The following SV2C variants were observed in gnomAD, a reference collection of about 807,000 sequenced individuals.
The protein encoded by SV2C is solute carrier family 22 member B3.
In SV2C, 49 loss-of-function variants were observed where a neutral mutation model predicts 79.7. That is an observed-to-expected ratio of 0.61 (90% CI 0.49 to 0.78). The LOEUF (loss-of-function observed/expected upper bound fraction) is 0.78. Among genes scored for constraint, SV2C ranks in the 30% least tolerant of loss-of-function variants. The pLI is 0.00. For missense variants in SV2C, 833 were observed against 912.9 expected (o/e 0.91, Z 1.13); for synonymous variants, 334 against 333.2 (o/e 1.00, Z -0.03).
Position 76,113,731 on chromosome 5 carries a change from C to T in SV2C, c.-101-17919C>T, listed in dbSNP as rs536405168. 7.8e-4 allele frequency among the ~76,000 whole-genome samples: 119 copies of T among 152,118 alleles called. 1 individual carries two copies. The highest frequency in any genetic ancestry group is 2.8e-3 in the Admixed American group (42 of 15,264). ...CTAAGGAATTAAGAGAGAAATACCT[C>T]GGGGAAAGGAACTCCTTAGCCATTT... On this transcript the variant is annotated intron_variant, in intron 1 of 12. Coordinates refer to ENST00000502798, the MANE Select transcript of SV2C (RefSeq NM_014979.4).
chr5:76,038,655 G>T, the SV2C span, among the ~76,000 whole-genome samples: 1 of 152,130 alleles, frequency 6.6e-6, no homozygotes, highest in African/African-American at 2.4e-5. Flanking sequence ...TAATCTTAAA[G>T]CATAATTGAA....
intron 2 of SV2C, among the ~76,000 whole-genome samples, chr5:76,171,533 T>C (rs1364928667): frequency 4.1e-5 from 5 of 121,124 alleles, no homozygotes; most frequent in Admixed American, 8.0e-5. Context: ...GTGAGGAGCC[T>C]CTCCGCCCGG....
chr5:75,901,630 G>A, the SV2C span, among the ~76,000 whole-genome samples: 1 of 152,216 alleles, frequency 6.6e-6, no homozygotes, highest in African/African-American at 2.4e-5. Context: ...GTCAGACAGG[G>A]ACATTTACGT....
intron 4 of SV2C, among the ~76,000 whole-genome samples, chr5:76,273,477 A>G (rs185525563): frequency 6.6e-5 from 10 of 152,214 alleles, no homozygotes; most frequent in Admixed American, 1.3e-4. Flanking sequence ...AAGATATTCC[A>G]GAAAAAAAAA....
chr5:75,905,056 A>G, the SV2C span, among the ~76,000 whole-genome samples: 1 of 152,218 alleles, frequency 6.6e-6, no homozygotes, highest in Admixed American at 6.5e-5. Context: ...ATGTGTTCCC[A>G]GAACTCTACT....
At chr5:76,032,450 A>C in the SV2C span, among the ~76,000 whole-genome samples, 1 of 150,940 alleles carries the variant, frequency 6.6e-6, no homozygotes, top group East Asian at 2.0e-4. Flanking sequence ...TCCTGTGTCC[A>C]TGTGTTCTCA....
chr5:76,295,793 C>G lies in SV2C; in HGVS notation c.1353C>G (p.Ser451=). ...GTCTTTGCAGGTACTATGGATTATC[C>G]GTTTGGTTCCCTGATGTCATTAAAC... ...FTLSFGYYGL[S]VWFPDVIKPL... The change falls in exon 9 of 13, where the codon TCC becomes TCG. Residue 451 remains serine, a synonymous_variant. Coordinates refer to ENST00000502798, the MANE Select transcript of SV2C (RefSeq NM_014979.4). The G allele has an allele frequency of 6.2e-7, 1 of 1,609,774 alleles. No individual in the cohort carries two copies.
chr5:76,251,043 G>A (rs564479940), intron 4 of SV2C, among the ~76,000 whole-genome samples: 1 of 152,152 alleles, frequency 6.6e-6, no homozygotes, highest in Non-Finnish European at 1.5e-5. Flanking sequence ...TGCATCAGGA[G>A]CATTTCCCAC....
At chr5:75,894,709 G>C in the SV2C span, among the ~76,000 whole-genome samples, 1 of 152,058 alleles carries the variant, frequency 6.6e-6, no homozygotes, top group Non-Finnish European at 1.5e-5. Context: ...ATAACAGTTT[G>C]ACCAAACAGT....
chr5:76,351,901 G>A (rs1418174302), intron 12 of SV2C, among the ~76,000 whole-genome samples: 2 of 152,004 alleles, frequency 1.3e-5, no homozygotes, highest in African/African-American at 4.8e-5. Flanking sequence ...CTTTACAGAG[G>A]ATAAAATCTC....
chr5:76,076,697 C>T, the SV2C span, among the ~76,000 whole-genome samples: 1 of 152,152 alleles, frequency 6.6e-6, no homozygotes, highest in African/African-American at 2.4e-5. Flanking sequence ...AGCTCTATGA[C>T]TTGTATTCAG....
At chr5:76,091,724 A>G (rs1747384326) in intron 1 of SV2C, 1 of 151,454 alleles carries the variant, frequency 6.6e-6, no homozygotes, top group African/African-American at 2.4e-5. Flanking sequence ...CCTACAGCTC[A>G]TGTTCCCAGG....
At chr5:75,969,646 A>T in the SV2C span, among the ~76,000 whole-genome samples, 1 of 152,216 alleles carries the variant, frequency 6.6e-6, no homozygotes, top group Admixed American at 6.5e-5. Flanking sequence ...ATATGCACCC[A>T]ATACAGGAGC....
the SV2C span, among the ~76,000 whole-genome samples, chr5:75,990,610 A>T: frequency 0.024 from 3,593 of 152,050 alleles, 125 homozygotes; most frequent in African/African-American, 0.08. Context: ...GACTAGGAGT[A>T]GAAAAGTCCT....
At chr5:76,042,573 CT>C in the SV2C span, among the ~76,000 whole-genome samples, 1 of 152,208 alleles carries the variant, frequency 6.6e-6, no homozygotes, top group Non-Finnish European at 1.5e-5. Flanking sequence ...GCAGTTGCCT[CT>C]GTCCTCATCT....
intron 2 of SV2C, among the ~76,000 whole-genome samples, chr5:76,150,097 G>A (rs1317202302): frequency 1.3e-5 from 2 of 152,166 alleles, no homozygotes; most frequent in African/African-American, 4.8e-5. Flanking sequence ...AAGTCCTGCT[G>A]CACGATCACT....
At chr5:76,177,077 T>G (rs1471828032) in intron 2 of SV2C, among the ~76,000 whole-genome samples, 1 of 149,968 alleles carries the variant, frequency 6.7e-6, no homozygotes, top group Non-Finnish European at 1.5e-5. Flanking sequence ...ATCACGCCAC[T>G]GCACTCCAGC....
At chr5:75,929,205 C>G in the SV2C span, among the ~76,000 whole-genome samples, 1 of 152,038 alleles carries the variant, frequency 6.6e-6, no homozygotes, top group African/African-American at 2.4e-5. Context: ...GACTGTCACT[C>G]TGTCCTCTCA....
the SV2C span, among the ~76,000 whole-genome samples, chr5:75,928,985 A>G: frequency 6.6e-6 from 1 of 152,168 alleles, no homozygotes; most frequent in African/African-American, 2.4e-5. Flanking sequence ...GCCTGCATAG[A>G]GAGGAACCCC....
Sources: gnomAD v4.1 joint callset for allele counts (sites outside exome capture counted in the v4.1 genomes callset) on GRCh38, gnomAD v4.1.1 for gene constraint, MANE v1.5 for transcripts, NCBI Gene and HGNC (gene_info 2026-07-23, HGNC 2026-07-21) for gene names.